The following PRKG1 variants were observed in gnomAD, a reference collection of about 807,000 sequenced individuals.
The protein encoded by PRKG1 is cGMP-dependent protein kinase 1.
Under a neutral mutation model 88.1 loss-of-function variants are expected in PRKG1, and 35 were observed. That is an observed-to-expected ratio of 0.40 (90% CI 0.30 to 0.53). The LOEUF (loss-of-function observed/expected upper bound fraction) is 0.53. Among genes scored for constraint, PRKG1 ranks in the 20% least tolerant of loss-of-function variants. The pLI is 0.59. For missense variants in PRKG1, 540 were observed against 839.8 expected, an observed-to-expected ratio of 0.64 and a Z score of 4.41; for synonymous variants, 303 against 292.5, an observed-to-expected ratio of 1.04 and a Z score of -0.37.
chr10:51,219,545 T>C (rs1480579739), intron 2 of PRKG1, among the ~76,000 whole-genome samples: 1 of 151,542 alleles, frequency 6.6e-6, no homozygotes, highest in East Asian at 1.9e-4. Context: ...CCGTCTCTAC[T>C]AAAAATACAA....
At chr10:51,692,270 C>T (rs959806589) in intron 3 of PRKG1, among the ~76,000 whole-genome samples, 2 of 151,872 alleles carry the variant, frequency 1.3e-5, no homozygotes, top group African/African-American at 4.8e-5. Flanking sequence ...TCAACTATAC[C>T]ATTTCTCTGT....
intron 10 of PRKG1, among the ~76,000 whole-genome samples, chr10:52,257,884 C>T (rs1274670056): frequency 7.2e-6 from 1 of 139,158 alleles, no homozygotes; most frequent in Non-Finnish European, 1.6e-5. Context: ...CAATATACTG[C>T]AACTGCTAAA....
At chr10:51,021,296 C>T (rs548023527) in intron 1 of PRKG1, among the ~76,000 whole-genome samples, 5 of 152,154 alleles carry the variant, frequency 3.3e-5, no homozygotes, top group Non-Finnish European at 4.4e-5. Flanking sequence ...GAATCTCATA[C>T]GGCCAAAGAA....
intron 3 of PRKG1, among the ~76,000 whole-genome samples, chr10:51,702,188 C>T (rs1841485724): frequency 6.6e-6 from 1 of 152,144 alleles, no homozygotes; most frequent in Non-Finnish European, 1.5e-5. Context: ...GACTATGGGA[C>T]AAACAAGAAG....
chr10:52,009,355 T>G (rs1045883053), intron 5 of PRKG1, among the ~76,000 whole-genome samples: 2 of 151,980 alleles, frequency 1.3e-5, no homozygotes, highest in Admixed American at 6.6e-5. Context: ...TACAAAAAAT[T>G]AGTGTCATTC....
At chr10:51,711,045 T>G (rs1841735536) in intron 3 of PRKG1, among the ~76,000 whole-genome samples, 1 of 151,722 alleles carries the variant, frequency 6.6e-6, no homozygotes, top group African/African-American at 2.4e-5. Flanking sequence ...ATTCCCCTTT[T>G]GGGCTGGTCA....
At chr10:51,165,305 A>G (rs1485712593) in intron 2 of PRKG1, among the ~76,000 whole-genome samples, 42 of 151,826 alleles carry the variant, frequency 2.8e-4, no homozygotes, top group African/African-American at 8.7e-4. Flanking sequence ...ACTAAGCTTC[A>G]TAAGTGAAGG....
At chr10:52,243,418 A>G (rs1325127921) in intron 9 of PRKG1, among the ~76,000 whole-genome samples, 1 of 152,148 alleles carries the variant, frequency 6.6e-6, no homozygotes, top group East Asian at 1.9e-4. Context: ...GTCATTTAAC[A>G]TCTCCAGATT....
At chr10:51,106,756 G>A (rs1844845115) in intron 1 of PRKG1, among the ~76,000 whole-genome samples, 1 of 152,164 alleles carries the variant, frequency 6.6e-6, no homozygotes, top group Admixed American at 6.6e-5. Flanking sequence ...GAAATGCTAT[G>A]TGGACAACAA....
At chr10:51,882,309 G>C (rs913435774) in intron 4 of PRKG1, among the ~76,000 whole-genome samples, 5 of 152,120 alleles carry the variant, frequency 3.3e-5, no homozygotes, top group African/African-American at 1.2e-4. Context: ...ACCCTTGCCA[G>C]TTGCTCATTT....
chr10:52,067,881 A>G (rs1418248873), intron 7 of PRKG1, among the ~76,000 whole-genome samples: 3 of 152,132 alleles, frequency 2.0e-5, no homozygotes, highest in Non-Finnish European at 2.9e-5. Flanking sequence ...AAGTCAATCC[A>G]TCTATACTTT....
At chr10:51,731,330 G>T (rs999193835) in intron 3 of PRKG1, among the ~76,000 whole-genome samples, 2 of 152,234 alleles carry the variant, frequency 1.3e-5, no homozygotes, top group Middle Eastern at 3.4e-3. Flanking sequence ...TTTAAAAAAT[G>T]ATCTGGATTA....
chr10:51,873,960 T>C (rs538878720), intron 4 of PRKG1, among the ~76,000 whole-genome samples: 4 of 152,364 alleles, frequency 2.6e-5, no homozygotes, highest in South Asian at 4.1e-4. Context: ...TACTTTATTG[T>C]ACTAAATTTA....
chr10:51,192,537 C>T (rs554729414), intron 2 of PRKG1, among the ~76,000 whole-genome samples: 6 of 151,610 alleles, frequency 4.0e-5, no homozygotes, highest in South Asian at 4.2e-4. Context: ...AATGTCCTAC[C>T]GAAAGATTAG....
intron 3 of PRKG1, among the ~76,000 whole-genome samples, chr10:51,670,400 A>G (rs1042381649): frequency 4.0e-5 from 6 of 149,158 alleles, no homozygotes; most frequent in African/African-American, 1.5e-4. Context: ...ATTTTTCTTT[A>G]TTTTTTTTTC....
chr10:51,126,410 A>C (rs1845420492), intron 1 of PRKG1, among the ~76,000 whole-genome samples: 2 of 136,836 alleles, frequency 1.5e-5, no homozygotes, highest in Non-Finnish European at 3.1e-5. Context: ...ATATATTTAT[A>C]TATAATTCAT....
chr10:51,611,085 A>G (rs1838894506), intron 3 of PRKG1, among the ~76,000 whole-genome samples: 1 of 152,160 alleles, frequency 6.6e-6, no homozygotes, highest in South Asian at 2.1e-4. Context: ...TGCAATAAAC[A>G]TAGACGTTTA....
chr10:52,117,249 A>G (rs1391169930), intron 7 of PRKG1, among the ~76,000 whole-genome samples: 1 of 150,172 alleles, frequency 6.7e-6, no homozygotes, highest in African/African-American at 2.5e-5. Flanking sequence ...CCACTCTAAG[A>G]GTTATGAAGG....
intron 2 of PRKG1, among the ~76,000 whole-genome samples, chr10:51,421,976 T>A (rs1181457091): frequency 6.6e-6 from 1 of 152,220 alleles, no homozygotes; most frequent in Non-Finnish European, 1.5e-5. Context: ...CTTTTGAAGA[T>A]GCGAAGACAG....
Sources: gnomAD v4.1 joint callset for allele counts (sites outside exome capture counted in the v4.1 genomes callset) on GRCh38, gnomAD v4.1.1 for gene constraint, MANE v1.5 for transcripts, NCBI Gene and HGNC (gene_info 2026-07-23, HGNC 2026-07-21) for gene names.